Variants in IL34 observed in about 807,000 individuals in gnomAD.
IL34 encodes interleukin-34.
Under a neutral mutation model 25.3 loss-of-function variants are expected in IL34, and 17 were observed. The observed-to-expected ratio is 0.67, with a 90% CI of 0.46 to 1.01. The LOEUF is 1.01. Among genes scored for constraint, IL34 ranks in the 50% least tolerant of loss-of-function variants. The probability of loss-of-function intolerance (pLI) is 0.00; values close to 1 mark genes in which losing one functional copy is unlikely to be tolerated. For missense variants in IL34, 368 were observed against 312.9 expected (o/e 1.18, Z -1.33); for synonymous variants, 174 against 140.9 (o/e 1.23, Z -1.66).
At chr16:70,634,234 T>C (rs1442978321) in intron 1 of IL34, among the ~76,000 whole-genome samples, 1 of 152,130 alleles carries the variant, frequency 6.6e-6, no homozygotes, top group Non-Finnish European at 1.5e-5. Context: ...ACTAATGATG[T>C]ATGCAAATAC....
intron 1 of IL34, among the ~76,000 whole-genome samples, chr16:70,628,731 C>T (rs924180773): frequency 2.0e-5 from 3 of 151,750 alleles, no homozygotes; most frequent in African/African-American, 7.3e-5. Flanking sequence ...AATTGATCCA[C>T]CCGCCTTGGC....
chr16:70,618,679 C>G (rs1029759510), intron 1 of IL34, among the ~76,000 whole-genome samples: 7 of 152,058 alleles, frequency 4.6e-5, no homozygotes, highest in Non-Finnish European at 1.0e-4. Flanking sequence ...CTAACCATGC[C>G]TAGGGAGGAA....
At chr16:70,586,385 A>G (rs1229168525) in intron 1 of IL34, among the ~76,000 whole-genome samples, 1 of 152,160 alleles carries the variant, frequency 6.6e-6, no homozygotes, top group Non-Finnish European at 1.5e-5. Flanking sequence ...CCTGGGCAAC[A>G]TGGAAAGACT....
intron 1 of IL34, among the ~76,000 whole-genome samples, chr16:70,636,091 T>C (rs918396483): frequency 3.3e-5 from 5 of 151,492 alleles, no homozygotes; most frequent in African/African-American, 1.2e-4. Context: ...CAGGTTGGAG[T>C]GCAGTGGCAT....
intron 1 of IL34, among the ~76,000 whole-genome samples, chr16:70,598,397 C>T (rs527698227): frequency 6.6e-6 from 1 of 152,188 alleles, no homozygotes; most frequent in South Asian, 2.1e-4. Context: ...CGCCCCTGCT[C>T]AAGAACCTGC....
At chr16:70,606,149 C>A (rs949678353) in intron 1 of IL34, among the ~76,000 whole-genome samples, 3 of 152,032 alleles carry the variant, frequency 2.0e-5, no homozygotes, top group African/African-American at 7.2e-5. Flanking sequence ...GTAATCCTAG[C>A]ACGTTGGGAG....
intron 2 of IL34, among the ~76,000 whole-genome samples, chr16:70,656,064 C>T (rs1321929589): frequency 2.0e-5 from 3 of 152,170 alleles, no homozygotes; most frequent in Non-Finnish European, 4.4e-5. Context: ...GTAACGTGTC[C>T]TCACTCTTGA....
intron 1 of IL34, among the ~76,000 whole-genome samples, chr16:70,652,084 C>A (rs1027682701): frequency 6.6e-6 from 1 of 151,212 alleles, no homozygotes; most frequent in Admixed American, 6.6e-5. Context: ...GCCAAGATTG[C>A]GCCACGGCAC....
intron 1 of IL34, among the ~76,000 whole-genome samples, chr16:70,595,841 A>G (rs915719918): frequency 1.3e-5 from 2 of 151,556 alleles, no homozygotes; most frequent in Non-Finnish European, 2.9e-5. Context: ...GTGAAACCCC[A>G]TTTCTACTAA....
chr16:70,643,332 G>A (rs1453093761), upstream of IL34, among the ~76,000 whole-genome samples: 1 of 152,110 alleles, frequency 6.6e-6, no homozygotes, highest in Non-Finnish European at 1.5e-5. Flanking sequence ...CCAAACTGCA[G>A]GGATGACAGG....
At chr16:70,649,410 G>A (rs114187570) in intron 1 of IL34, among the ~76,000 whole-genome samples, 1,770 of 152,278 alleles carry the variant, frequency 0.012, 31 homozygotes, top group African/African-American at 0.039. Flanking sequence ...ACTCCCAGGC[G>A]TTGCCATGGC....
At chr16:70,658,041 G>A (rs2052279690) in intron 4 of IL34, among the ~76,000 whole-genome samples, 1 of 152,170 alleles carries the variant, frequency 6.6e-6, no homozygotes, top group Non-Finnish European at 1.5e-5. Context: ...GGCCGTGTGT[G>A]CGGTGGGACC....
At chr16:70,590,041 G>C (rs1291131530) in intron 1 of IL34, among the ~76,000 whole-genome samples, 1 of 152,232 alleles carries the variant, frequency 6.6e-6, no homozygotes, top group Non-Finnish European at 1.5e-5. Context: ...GGAATACAAG[G>C]CTTTCTGCCT....
At chr16:70,580,673 T>C (rs546211766) in intron 1 of IL34, among the ~76,000 whole-genome samples, 2 of 150,898 alleles carry the variant, frequency 1.3e-5, no homozygotes, top group East Asian at 4.0e-4. Context: ...CCCAGCTACT[T>C]GGGAGGCTGA....
intron 1 of IL34, among the ~76,000 whole-genome samples, chr16:70,615,771 G>A (rs1266795991): frequency 6.6e-6 from 1 of 152,156 alleles, no homozygotes; most frequent in Non-Finnish European, 1.5e-5. Context: ...GGGCAACACA[G>A]TGAAATCCCA....
At chr16:70,601,100 G>C (rs1420478558) in intron 1 of IL34, among the ~76,000 whole-genome samples, 1 of 151,860 alleles carries the variant, frequency 6.6e-6, no homozygotes, top group African/African-American at 2.4e-5. Context: ...TACTGGGAGA[G>C]ATAAGGAATG....
Position 70,657,057 on chromosome 16 carries a change from A to G in IL34, c.338A>G (p.His113Arg), listed in dbSNP as rs200597979. Reference protein sequence around the residue: ...ESVQDVLLEGHPSWKYLQEVE... With the variant: ...ESVQDVLLEGRPSWKYLQEVE... The stretch of plus-strand genomic sequence containing the variant: ...GTGCAGGACGTGCTGCTCGAGGGCC[A>G]CCCATCCTGGAAGTACCTGCAGGAG... The change falls in exon 4 of 6, where the codon CAC becomes CGC. Residue 113 changes from histidine (H) to arginine (R), a missense_variant. By Grantham distance (29) the His-to-Arg change is conservative (BLOSUM62 0). Transcript: ENST00000288098. The G allele has an allele frequency of 6.2e-7, 1 of 1,612,754 alleles. No individual in the cohort carries two copies. Among genetic ancestry groups the G allele is most frequent in the African/African-American group, 1.3e-5 (1 of 74,858 alleles).
At chr16:70,582,037 C>A (rs539493531) in intron 1 of IL34, among the ~76,000 whole-genome samples, 10 of 152,330 alleles carry the variant, frequency 6.6e-5, no homozygotes, top group African/African-American at 2.4e-4. Context: ...CCCCTGGAGG[C>A]CCCCTCTTCC....
intron 1 of IL34, among the ~76,000 whole-genome samples, chr16:70,584,218 C>T (rs1414607710): frequency 1.3e-5 from 2 of 152,182 alleles, no homozygotes; most frequent in South Asian, 2.1e-4. Flanking sequence ...TGCATGCTTG[C>T]GTGTGAGGGC....
Sources: allele counts gnomAD v4.1 joint callset (sites outside exome capture counted in the v4.1 genomes callset), GRCh38; gene constraint gnomAD v4.1.1; transcripts MANE v1.5; gene names NCBI Gene and HGNC (gene_info 2026-07-23, HGNC 2026-07-21).